The following GBE1 variants were observed in gnomAD, a reference collection of about 807,000 sequenced individuals.
GBE1 encodes the protein 1,4-alpha-glucan-branching enzyme.
A neutral mutation model predicts 88.8 loss-of-function variants in GBE1; 70 were observed. That is an observed-to-expected ratio of 0.79 (90% CI 0.65 to 0.96). The LOEUF is 0.96. Ranked by LOEUF, GBE1 falls within the 40% of genes least tolerant of loss-of-function variation. The pLI is 0.00. For missense variants in GBE1, 872 were observed against 871.0 expected (o/e 1.00, Z -0.01); for synonymous variants, 284 against 300.1 (o/e 0.95, Z 0.56).
At chr3:81,553,271 T>G (rs146079034) in intron 12 of GBE1, among the ~76,000 whole-genome samples, 1 of 152,166 alleles carries the variant, frequency 6.6e-6, no homozygotes, top group African/African-American at 2.4e-5. Context: ...TTCAGAGTTT[T>G]TTTTTTAAAC....
At chr3:81,679,239 G>A (rs1396804123) in intron 2 of GBE1, among the ~76,000 whole-genome samples, 1 of 152,290 alleles carries the variant, frequency 6.6e-6, no homozygotes, top group Non-Finnish European at 1.5e-5. Context: ...ATTATAAAAA[G>A]TGATATTATA....
chr3:81,670,740 A>G, intron 3 of GBE1, 98 bp downstream of exon 3: 1 of 647,628 alleles, frequency 1.5e-6, no homozygotes, highest in South Asian at 2.1e-5. Context: ...CACAATTATC[A>G]TGCATCAGTT....
chr3:81,586,062 G>C (rs1157702144), intron 10 of GBE1, 30 bp downstream of exon 10: 2 of 1,349,466 alleles, frequency 1.5e-6, no homozygotes, highest in Admixed American at 3.7e-5. Flanking sequence ...AGTATTCACA[G>C]AAACAAAAAA....
At chr3:81,525,623 G>C (rs149127554) in intron 14 of GBE1, among the ~76,000 whole-genome samples, 2,412 of 152,158 alleles carry the variant, frequency 0.016, 66 homozygotes, top group African/African-American at 0.054. Flanking sequence ...GCTTGTCCTT[G>C]TACCTCTGGT....
intron 2 of GBE1, among the ~76,000 whole-genome samples, chr3:81,686,098 A>G (rs1705434009): frequency 1.3e-5 from 2 of 152,116 alleles, no homozygotes; most frequent in Non-Finnish European, 2.9e-5. Flanking sequence ...AACCACAACA[A>G]TGAAGATGGG....
intron 3 of GBE1, among the ~76,000 whole-genome samples, chr3:81,657,605 G>A (rs867007214): frequency 1.3e-5 from 2 of 151,858 alleles, no homozygotes; most frequent in Non-Finnish European, 2.9e-5. Flanking sequence ...ATAGTTAATC[G>A]GTAAGATTAT....
chr3:81,625,461 C>T, intron 7 of GBE1, among the ~76,000 whole-genome samples: 1 of 151,284 alleles, frequency 6.6e-6, no homozygotes. Context: ...TTTTTTTAGA[C>T]TGTGTCTCAC....
intron 2 of GBE1, among the ~76,000 whole-genome samples, chr3:81,696,036 G>C (rs138691053): frequency 6.6e-6 from 1 of 151,298 alleles, no homozygotes. Flanking sequence ...CTTTTTTTCC[G>C]CCCCCCCAAG....
chr3:81,606,967 C>G (rs1213175870), intron 7 of GBE1, among the ~76,000 whole-genome samples: 3 of 152,134 alleles, frequency 2.0e-5, no homozygotes, highest in African/African-American at 7.2e-5. Flanking sequence ...CAGAGCCTAG[C>G]AGCTGGCCTG....
chr3:81,525,775 C>A (rs146556461), intron 14 of GBE1, among the ~76,000 whole-genome samples: 102 of 152,038 alleles, frequency 6.7e-4, no homozygotes, highest in Non-Finnish European at 1.3e-3. Context: ...GTGTATGTGT[C>A]GAGGAATTTA....
chr3:81,524,799 T>G (rs553804191), intron 14 of GBE1, among the ~76,000 whole-genome samples: 1 of 151,968 alleles, frequency 6.6e-6, no homozygotes, highest in Non-Finnish European at 1.5e-5. Flanking sequence ...CATGCTGTTT[T>G]GGTCACTATA....
At chr3:81,647,440 G>A (rs190974574) in intron 5 of GBE1, among the ~76,000 whole-genome samples, 61 of 152,150 alleles carry the variant, frequency 4.0e-4, no homozygotes, top group Non-Finnish European at 1.2e-4. Flanking sequence ...CAAAAAAGTA[G>A]ATATTGTGTT....
At chr3:81,718,837 G>T (rs962884159) in intron 1 of GBE1, among the ~76,000 whole-genome samples, 1 of 151,912 alleles carries the variant, frequency 6.6e-6, no homozygotes, top group Admixed American at 6.6e-5. Flanking sequence ...ATTTCTCCAC[G>T]TTGGTCAGGC....
chr3:81,747,884 ACT>A (rs377635237), intron 1 of GBE1, among the ~76,000 whole-genome samples: 13 of 151,556 alleles, frequency 8.6e-5, no homozygotes, highest in African/African-American at 2.7e-4. Flanking sequence ...CCCTTCGCTG[ACT>A]CTCTTTTCGG....
At chr3:81,552,797 C>T (rs1703290346) in intron 12 of GBE1, among the ~76,000 whole-genome samples, 1 of 151,774 alleles carries the variant, frequency 6.6e-6, no homozygotes, top group Admixed American at 6.6e-5. Flanking sequence ...AAAATAATCA[C>T]AATATTAAAA....
At chr3:81,609,356 A>G (rs1704142598) in intron 7 of GBE1, among the ~76,000 whole-genome samples, 1 of 152,100 alleles carries the variant, frequency 6.6e-6, no homozygotes, top group African/African-American at 2.4e-5. Flanking sequence ...TTCCAAAATC[A>G]CCTGGGCAAA....
intron 10 of GBE1, among the ~76,000 whole-genome samples, chr3:81,582,533 G>C (rs1303444916): frequency 6.6e-6 from 1 of 152,096 alleles, no homozygotes. Context: ...AAGCCACTAA[G>C]CTTGTGGTAA....
At chr3:81,633,233 A>G (rs1559670474) in intron 7 of GBE1, among the ~76,000 whole-genome samples, 1 of 152,200 alleles carries the variant, frequency 6.6e-6, no homozygotes, top group Non-Finnish European at 1.5e-5. Flanking sequence ...TTGTGATGAC[A>G]GTGACAATGA....
intron 14 of GBE1, among the ~76,000 whole-genome samples, chr3:81,527,191 C>T (rs1702954488): frequency 6.6e-6 from 1 of 152,136 alleles, no homozygotes; most frequent in Admixed American, 6.5e-5. Flanking sequence ...AACTAGATCC[C>T]TTCCTTACGC....
Sources: gnomAD v4.1 joint callset for allele counts (sites outside exome capture counted in the v4.1 genomes callset) on GRCh38, gnomAD v4.1.1 for gene constraint, MANE v1.5 for transcripts, NCBI Gene and HGNC (gene_info 2026-07-23, HGNC 2026-07-21) for gene names.